The following ASAP1 variants were observed in gnomAD, a reference collection of about 807,000 sequenced individuals.
The protein encoded by ASAP1 is ArfGAP with SH3 domain, ankyrin repeat and PH domain 1, also known as arf-GAP with SH3 domain, ANK repeat and PH domain-containing protein 1.
Under a neutral mutation model 145.2 loss-of-function variants are expected in ASAP1, and 43 were observed. The ratio of observed to expected loss-of-function variants is 0.30; its 90% CI spans 0.23 to 0.38. The LOEUF is 0.38. ASAP1 is among the 10% of genes least tolerant of loss of function. ASAP1 has a pLI of 1.00. For synonymous variants in ASAP1, 546 were observed against 515.5 expected (o/e 1.06, Z -0.80); for missense variants, 1,018 against 1,355.3 (o/e 0.75, Z 3.91).
At chr8:130,381,813 G>A (rs1055724662) in intron 2 of ASAP1, among the ~76,000 whole-genome samples, 8 of 152,068 alleles carry the variant, frequency 5.3e-5, no homozygotes, top group African/African-American at 1.7e-4. Context: ...GCCTTTGCAC[G>A]TGCTGTTCCC....
At chr8:130,369,266 G>A (rs544639924) in intron 2 of ASAP1, among the ~76,000 whole-genome samples, 1 of 152,246 alleles carries the variant, frequency 6.6e-6, no homozygotes, top group African/African-American at 2.4e-5. Flanking sequence ...ACTAAACACA[G>A]AATTCACTTA....
At chr8:130,187,388 CACTGGGA>C in intron 6 of ASAP1, 103 bp from the exon 7 acceptor site, 1 of 931,822 alleles carries the variant, frequency 1.1e-6, no homozygotes, top group Middle Eastern at 2.2e-4. Flanking sequence ...CTTTATAGGA[CACTGGGA>C]ACTTCACTTT....
chr8:130,198,808 A>C (rs1466922671), intron 5 of ASAP1, among the ~76,000 whole-genome samples: 1 of 152,206 alleles, frequency 6.6e-6, no homozygotes, highest in Non-Finnish European at 1.5e-5. Flanking sequence ...TGTTACAGCG[A>C]TCTTTTAAAG....
intron 3 of ASAP1, among the ~76,000 whole-genome samples, chr8:130,252,929 C>T (rs1257012716): frequency 6.6e-6 from 1 of 152,118 alleles, no homozygotes. Context: ...CTTACAGGAT[C>T]CTACTTCAAA....
At chr8:130,069,082 G>A (rs916709017) in intron 27 of ASAP1, among the ~76,000 whole-genome samples, 2 of 152,196 alleles carry the variant, frequency 1.3e-5, no homozygotes, top group Middle Eastern at 3.4e-3. Flanking sequence ...ATTTTAAAAT[G>A]GTTATTAACA....
intron 1 of ASAP1, among the ~76,000 whole-genome samples, chr8:130,418,936 G>A (rs944290120): frequency 7.9e-5 from 12 of 152,190 alleles, no homozygotes; most frequent in Non-Finnish European, 1.3e-4. Context: ...TCCCTTCAGC[G>A]ACATGGGCCA....
At chr8:130,251,275 C>T (rs1052846803) in intron 3 of ASAP1, among the ~76,000 whole-genome samples, 5 of 151,832 alleles carry the variant, frequency 3.3e-5, no homozygotes, top group South Asian at 2.1e-4. Flanking sequence ...AAAATTAGCC[C>T]GATGTGGTGA....
chr8:130,271,320 T>A lies in ASAP1; in HGVS notation c.187-34326A>T, dbSNP rs1029828223. Among the ~76,000 whole-genome samples, 6 of 152,214 alleles carry A rather than the reference T, an allele frequency of 3.9e-5. No individual in the cohort carries two copies. The East Asian group carries it at 9.6e-4, about 24-fold the overall frequency. ...ACCTTCAACCTCACTCTACCCTTTT[T>A]AAAAAAATCAAGTACAAATTATTCT... is the stretch of plus-strand genomic sequence containing the variant. On this transcript the variant is annotated intron_variant, in intron 3 of 29. Transcript: ENST00000518721.
chr8:130,133,042 C>T (rs997936087), intron 15 of ASAP1, among the ~76,000 whole-genome samples: 4 of 151,868 alleles, frequency 2.6e-5, no homozygotes, highest in Non-Finnish European at 4.4e-5. Context: ...CTGTGGCTCT[C>T]CAGAAATAAG....
intron 25 of ASAP1, among the ~76,000 whole-genome samples, chr8:130,086,237 A>C (rs902200431): frequency 6.6e-6 from 1 of 152,240 alleles, no homozygotes; most frequent in Non-Finnish European, 1.5e-5. Flanking sequence ...CTGCAGGTGA[A>C]TCCTGGCCCC....
intron 3 of ASAP1, among the ~76,000 whole-genome samples, chr8:130,353,257 G>A (rs182700838): frequency 1.3e-5 from 2 of 152,166 alleles, no homozygotes; most frequent in Admixed American, 6.5e-5. Context: ...TATATAGCAG[G>A]GCCTCCCCAA....
intron 3 of ASAP1, among the ~76,000 whole-genome samples, chr8:130,267,670 AC>A (rs779231986): frequency 6.8e-4 from 103 of 152,228 alleles, no homozygotes; most frequent in Non-Finnish European, 1.1e-3. Flanking sequence ...GAACTCCTCT[AC>A]CCTATGCTTA....
In ASAP1 at chr8:130,259,922, T is replaced by C. The variant is rs570359555; in HGVS notation, c.187-22928A>G. ...ATTAAGTGCATTTATCTATCAGTCA[T>C]AGGCAGCACCGAAAATTATTTTAAA... is the stretch of plus-strand genomic sequence containing the variant. On this transcript the variant is annotated intron_variant, in intron 3 of 29. Transcript: ENST00000518721. Among the ~76,000 whole-genome samples, 37 of 152,346 alleles carry C rather than the reference T, an allele frequency of 2.4e-4. 1 individual carries two copies. The highest frequency in any genetic ancestry group is 7.9e-4 in the African/African-American group (33 of 41,584).
intron 4 of ASAP1, among the ~76,000 whole-genome samples, chr8:130,233,074 T>C (rs534378062): frequency 2.6e-5 from 4 of 152,314 alleles, no homozygotes; most frequent in African/African-American, 9.6e-5. Flanking sequence ...CTATACTTGT[T>C]CGTGACTGCA....
intron 22 of ASAP1, 143 bp downstream of exon 22, chr8:130,116,535 G>T: frequency 1.4e-6 from 1 of 712,418 alleles, no homozygotes; most frequent in East Asian, 2.6e-5. Flanking sequence ...TTTTTCTAAT[G>T]TAGCACATTG....
At chr8:130,390,932 A>C (rs1586959428) in intron 2 of ASAP1, among the ~76,000 whole-genome samples, 2 of 138,242 alleles carry the variant, frequency 1.4e-5, no homozygotes, top group African/African-American at 3.0e-5. Flanking sequence ...CTGGGTATAT[A>C]TCCCCCGCCC....
chr8:130,199,447 G>A (rs1815724527), intron 5 of ASAP1, among the ~76,000 whole-genome samples: 1 of 152,198 alleles, frequency 6.6e-6, no homozygotes, highest in South Asian at 2.1e-4. Flanking sequence ...TTCAGGAGAG[G>A]GACAGAAGAG....
chr8:130,433,498 C>T (rs564212359), intron 1 of ASAP1, among the ~76,000 whole-genome samples: 260 of 152,330 alleles, frequency 1.7e-3, no homozygotes, highest in African/African-American at 5.9e-3. Flanking sequence ...TGGTAACTCT[C>T]CCATGCTGTT....
chr8:130,268,721 T>C (rs1193844368), intron 3 of ASAP1, among the ~76,000 whole-genome samples: 1 of 152,098 alleles, frequency 6.6e-6, no homozygotes, highest in Non-Finnish European at 1.5e-5. Context: ...CTCCAAATAT[T>C]TAAAAAATTA....
Sources: gnomAD v4.1 joint callset for allele counts (sites outside exome capture counted in the v4.1 genomes callset) on GRCh38, gnomAD v4.1.1 for gene constraint, MANE v1.5 for transcripts, NCBI Gene and HGNC (gene_info 2026-07-23, HGNC 2026-07-21) for gene names.